ZNF682: variants seen among roughly 807,000 people sequenced by gnomAD.
The protein encoded by ZNF682 is zinc finger protein 682.
A neutral mutation model predicts 36.5 loss-of-function variants in ZNF682; 29 were observed. The ratio of observed to expected loss-of-function variants is 0.80; its 90% CI spans 0.59 to 1.08. The LOEUF (loss-of-function observed/expected upper bound fraction) is 1.08, where lower values mean the gene tolerates loss of function less well. ZNF682 is among the 50% of genes least tolerant of loss of function. ZNF682 has a pLI of 0.00. For synonymous variants in ZNF682, 180 were observed against 197.0 expected, an observed-to-expected ratio of 0.91 and a Z score of 0.72; for missense variants, 561 against 579.7, an observed-to-expected ratio of 0.97 and a Z score of 0.33.
At chr19:20,020,605 A>G (rs1351445320) in intron 3 of ZNF682, among the ~76,000 whole-genome samples, 2 of 152,202 alleles carry the variant, frequency 1.3e-5, no homozygotes, top group East Asian at 3.8e-4. Context: ...AGTATTTCTA[A>G]TATTTGCATC....
chr19:20,008,563 A>T (rs528157623), intron 3 of ZNF682, among the ~76,000 whole-genome samples: 75 of 152,288 alleles, frequency 4.9e-4, no homozygotes, highest in African/African-American at 1.8e-3. Flanking sequence ...TCACAGACAC[A>T]TTCCATAACC....
rs1599622231 is a variant in ZNF682, at chr19:20,039,503, G to A, written c.-158C>T. On this transcript the variant is annotated 5_prime_UTR_variant, in exon 1 of 4. Transcript: ENST00000397165. ...TGAGCTCTGGCTGGAGCGAGACAAA[G>A]GCCCCGCCAGCTCCAGGACACCGCC... The A allele has an allele frequency of 6.2e-6, 6 of 968,264 alleles. No homozygotes were observed. In the Middle Eastern group the frequency reaches 1.3e-3, roughly 202 times the overall value. 60.0% of individuals were successfully genotyped at this position (968,264 alleles called of 1,614,324 possible). A position where few individuals can be genotyped will look rare whatever the true frequency, so the allele number is the denominator to read the frequency against.
Position 20,018,891 on chromosome 19 carries a change from T to C in ZNF682, c.226+4113A>G, listed in dbSNP as rs541834235. On this transcript the variant is annotated intron_variant, in intron 3 of 3. Coordinates refer to ENST00000397165, the MANE Select transcript of ZNF682 (RefSeq NM_033196.3). ...AATCAAATGCATAAGGAACAAATAA[T>C]AGAGAAATGGGACTACATCAAACTT... 2.8e-4 allele frequency among the ~76,000 whole-genome samples: 43 copies of C among 152,240 alleles called. No homozygotes were observed. The South Asian group carries it at 3.5e-3, about 12-fold the overall frequency.
At chr19:19,999,417 G>A (rs1323158926) in intron 3 of ZNF682, among the ~76,000 whole-genome samples, 1 of 110,648 alleles carries the variant, frequency 9.0e-6, no homozygotes, top group East Asian at 3.9e-4. Context: ...CTTTGCTTAA[G>A]AGATTTTTTA....
chr19:20,032,158 T>C (rs1036465009), intron 1 of ZNF682, among the ~76,000 whole-genome samples: 3 of 152,208 alleles, frequency 2.0e-5, no homozygotes, highest in African/African-American at 7.2e-5. Context: ...AAAGTTCTTT[T>C]ACTTTCTCAA....
intron 1 of ZNF682, among the ~76,000 whole-genome samples, chr19:20,036,958 C>T (rs780754984): frequency 6.6e-6 from 1 of 152,060 alleles, no homozygotes; most frequent in Non-Finnish European, 1.5e-5. Context: ...GTACTCTAGC[C>T]TAAGTGAAAG....
intron 3 of ZNF682, among the ~76,000 whole-genome samples, chr19:20,012,032 A>C (rs2088293248): frequency 6.6e-6 from 1 of 151,670 alleles, no homozygotes; most frequent in Non-Finnish European, 1.5e-5. Flanking sequence ...GTGAGACTCC[A>C]TCTCAAAATA....
Position 20,004,547 on chromosome 19 carries a change from G to C in ZNF682, c.*1458C>G, listed in dbSNP as rs2088194320. On this transcript the variant is annotated 3_prime_UTR_variant, in exon 4 of 4. Coordinates refer to ENST00000397165, the MANE Select transcript of ZNF682 (RefSeq NM_033196.3). ...TTACTAAAATTTGAATAATGCACAA[G>C]ACTATTACTCTGAACATCTATCTCA... The C allele has an allele frequency of 6.6e-6, 1 of 152,178 alleles. No individual in the cohort carries two copies. Among genetic ancestry groups the C allele is most frequent in the Non-Finnish European group, 1.5e-5 (1 of 68,022 alleles). The allele number at this position is 152,178 out of a possible 1,614,324, so 9.4% of individuals were successfully genotyped here. A position where few individuals can be genotyped will look rare whatever the true frequency, so the allele number is the denominator to read the frequency against.
At chr19:20,029,805 G>A (rs10420011) in intron 1 of ZNF682, among the ~76,000 whole-genome samples, 118,800 of 151,722 alleles carry the variant, frequency 0.78, 46,647 homozygotes, top group Middle Eastern at 0.87. Context: ...TATGCCTCTA[G>A]AAACAGTGGT....
At chr19:20,004,105 G>C (rs1343414777), downstream of ZNF682, among the ~76,000 whole-genome samples, 1 of 152,168 alleles carries the variant, frequency 6.6e-6, no homozygotes, top group Non-Finnish European at 1.5e-5. Context: ...AGAAAAATGT[G>C]AGATAACATC....
downstream of ZNF682, among the ~76,000 whole-genome samples, chr19:20,002,024 T>A (rs1298934663): frequency 6.6e-6 from 1 of 152,168 alleles, no homozygotes; most frequent in African/African-American, 2.4e-5. Flanking sequence ...TTTCCTTATG[T>A]TGGGAACTCT....
intron 3 of ZNF682, 176 bp from the exon 4 acceptor site, chr19:20,007,451 A>G (rs749682383): frequency 2.7e-4 from 154 of 567,154 alleles, no homozygotes; most frequent in Non-Finnish European, 5.0e-5. Flanking sequence ...CATACTTTAA[A>G]CAGATCTTTT....
At chr19:20,018,074 A>C (rs1204657807) in intron 3 of ZNF682, among the ~76,000 whole-genome samples, 1 of 124,512 alleles carries the variant, frequency 8.0e-6, no homozygotes, top group Non-Finnish European at 1.7e-5. Context: ...AAGATTCTCA[A>C]ATTCTTTTTT....
rs1276746580 is a variant in ZNF682 at position 20,007,204 on chromosome 19, G to A, written c.298C>T (p.Leu100=). 4 of 1,613,450 alleles carry A rather than the reference G, an allele frequency of 2.5e-6. No individual in the cohort carries two copies. The highest frequency in any genetic ancestry group is 1.1e-5 in the South Asian group (1 of 91,068). ...AGTCCACAGCTTCCATATCTTCTCA[G>A]TATCACTTTTTGGAATGAATCTTGC... is the stretch of plus-strand genomic sequence containing the variant. The part of the protein sequence containing the change: ...CMQDSFQKVI[L]RRYGSCGLED... The change falls in exon 4 of 4, where the codon CTG becomes TTG. Residue 100 remains leucine (L), a synonymous_variant. Coordinates refer to ENST00000397165, the MANE Select transcript of ZNF682 (RefSeq NM_033196.3).
intron 3 of ZNF682, 30 bp downstream of exon 3, chr19:20,022,974 T>G: frequency 6.3e-7 from 1 of 1,586,264 alleles, no homozygotes; most frequent in Non-Finnish European, 8.7e-7. Context: ...AGCTTTCACC[T>G]GTGGCATGTG....
chr19:20,006,994 C>G lies in ZNF682; in HGVS notation c.508G>C (p.Glu170Gln). 6.2e-7 allele frequency: 1 copy of G among 1,612,924 alleles called. No individual in the cohort carries two copies. The highest frequency in any genetic ancestry group is 8.5e-7 in the Non-Finnish European group (1 of 1,179,278). The change falls in exon 4 of 4, where the codon GAG becomes CAG. Residue 170 changes from glutamate (E) to glutamine (Q), a missense_variant. Glu to Gln is a conservative substitution (Grantham distance 29, BLOSUM62 2). Transcript: ENST00000397165. ...LNRENIRHTTEKLFKCMQCGK... is the reference protein window; with the variant it reads ...LNRENIRHTTQKLFKCMQCGK... Reference sequence around the variant, plus strand: ...CATTGCATACATTTGAAAAGTTTCTCTGTAGTATGTCTTATGTTTTCTCTA... The same window carrying G: ...CATTGCATACATTTGAAAAGTTTCTGTGTAGTATGTCTTATGTTTTCTCTA...
At chr19:20,038,764 T>C (rs530554697) in intron 1 of ZNF682, among the ~76,000 whole-genome samples, 4 of 152,294 alleles carry the variant, frequency 2.6e-5, no homozygotes, top group African/African-American at 9.6e-5. Context: ...ATAGTCTAAA[T>C]AAGATGACTA....
At chr19:20,029,985 T>A (rs1419643211) in intron 1 of ZNF682, among the ~76,000 whole-genome samples, 2 of 152,144 alleles carry the variant, frequency 1.3e-5, no homozygotes, top group African/African-American at 4.8e-5. Context: ...GAGCCGGACC[T>A]GGATGAGGCC....
chr19:20,036,690 G>C (rs2088532445), intron 1 of ZNF682, among the ~76,000 whole-genome samples: 2 of 151,326 alleles, frequency 1.3e-5, no homozygotes, highest in Non-Finnish European at 2.9e-5. Context: ...TTCTAGGCCG[G>C]GCATGGTGGC....
Sources: gnomAD v4.1 joint callset for allele counts (sites outside exome capture counted in the v4.1 genomes callset) on GRCh38, gnomAD v4.1.1 for gene constraint, MANE v1.5 for transcripts, NCBI Gene and HGNC (gene_info 2026-07-23, HGNC 2026-07-21) for gene names.